The following KDM4A variants were observed in gnomAD, a reference collection of about 807,000 sequenced individuals.
The protein encoded by KDM4A is lysine demethylase 4A.
Under a neutral mutation model 127.1 loss-of-function variants are expected in KDM4A, and 23 were observed. That is an observed-to-expected ratio of 0.18 (90% CI 0.13 to 0.26). The LOEUF is 0.26. Ranked by LOEUF, KDM4A falls within the 10% of genes least tolerant of loss-of-function variation. The pLI is 1.00. For synonymous variants in KDM4A, 443 were observed against 466.5 expected, an observed-to-expected ratio of 0.95 and a Z score of 0.65; for missense variants, 890 against 1,329.1, an observed-to-expected ratio of 0.67 and a Z score of 5.14.
chr1:43,687,905 C>G (rs1014886345), intron 12 of KDM4A, among the ~76,000 whole-genome samples: 1 of 152,058 alleles, frequency 6.6e-6, no homozygotes, highest in Non-Finnish European at 1.5e-5. Context: ...AGTTGTATGC[C>G]CTGCTGTCTA....
intron 11 of KDM4A, among the ~76,000 whole-genome samples, chr1:43,682,651 G>T (rs763234327): frequency 1.3e-5 from 2 of 152,222 alleles, no homozygotes; most frequent in African/African-American, 2.4e-5. Flanking sequence ...GGCAAAACTT[G>T]TTGGCAAAAT....
At chr1:43,668,107 TTTTTG>T (rs1334731031) in intron 9 of KDM4A, 88 bp downstream of exon 9, 8 of 1,530,072 alleles carry the variant, frequency 5.2e-6, no homozygotes, top group Admixed American at 2.1e-5. Flanking sequence ...TTTCTTGTTT[TTTTTG>T]TTTTGTTTTG....
intron 9 of KDM4A, 123 bp downstream of exon 9, chr1:43,668,142 T>C: frequency 7.4e-7 from 1 of 1,358,088 alleles, no homozygotes; most frequent in South Asian, 1.4e-5. Flanking sequence ...TTGTTTTTGT[T>C]TTTGATGGAG....
In KDM4A at chr1:43,685,810, A is replaced by G. The variant is rs151289649; in HGVS notation, c.1855+2006A>G. The stretch of plus-strand genomic sequence containing the variant: ...AAGATCATGATAAACAGGGTGGGGA[A>G]TATCCCTTCTGTCCTCCAGTCAGAA... On this transcript the variant is annotated intron_variant, in intron 12 of 21. Transcript: ENST00000372396. Among the ~76,000 whole-genome samples the G allele has an allele frequency of 8.4e-3, 1,272 of 152,182 alleles. 14 individuals are homozygous for G. The highest frequency in any genetic ancestry group is 0.029 in the African/African-American group (1,209 of 41,516).
chr1:43,657,845 G>T (rs1274672734), intron 3 of KDM4A, among the ~76,000 whole-genome samples: 1 of 147,418 alleles, frequency 6.8e-6, no homozygotes, highest in Non-Finnish European at 1.5e-5. Context: ...CCGCCTCCCA[G>T]GTTCAAGTGA....
intron 19 of KDM4A, chr1:43,703,416 C>T (rs534392843): frequency 9.3e-6 from 4 of 430,758 alleles, no homozygotes; most frequent in East Asian, 8.1e-5. Context: ...TTTTTGGTCA[C>T]CTAGAAGCAG....
intron 19 of KDM4A, among the ~76,000 whole-genome samples, chr1:43,701,359 G>C (rs1416966997): frequency 1.3e-5 from 2 of 152,286 alleles, no homozygotes; most frequent in Non-Finnish European, 2.9e-5. Flanking sequence ...TTTACTATTG[G>C]CAACAGATAC....
intron 8 of KDM4A, among the ~76,000 whole-genome samples, 173 bp from the exon 9 acceptor site, chr1:43,667,599 C>G (rs1365389919): frequency 6.6e-6 from 1 of 152,180 alleles, no homozygotes; most frequent in East Asian, 1.9e-4. Context: ...CCCTGCTTCC[C>G]TTCATGTTTG....
At chr1:43,692,364 C>T (rs1436532812) in intron 16 of KDM4A, 53 bp downstream of exon 16, 4 of 1,489,338 alleles carry the variant, frequency 2.7e-6, no homozygotes, top group Non-Finnish European at 3.7e-6. Context: ...CCGAAGCACA[C>T]AGTGTCTTTG....
intron 1 of KDM4A, among the ~76,000 whole-genome samples, chr1:43,652,394 T>A (rs1457999199): frequency 6.6e-6 from 1 of 152,190 alleles, no homozygotes; most frequent in Non-Finnish European, 1.5e-5. Context: ...CCTATTGCAG[T>A]AACAATGTCT....
At chr1:43,652,793 C>T (rs1660147018) in intron 1 of KDM4A, among the ~76,000 whole-genome samples, 1 of 151,274 alleles carries the variant, frequency 6.6e-6, no homozygotes, top group African/African-American at 2.4e-5. Flanking sequence ...AGTGATTCTC[C>T]TGCCTCAGCC....
Position 43,666,348 on chromosome 1 carries a change from C to A in KDM4A, c.674-104C>A, listed in dbSNP as rs944933275. 4.4e-5 allele frequency: 38 copies of A among 857,594 alleles called. 1 individual carries two copies. Among genetic ancestry groups the A allele is most frequent in the Admixed American group, 1.3e-4 (6 of 44,736 alleles). 53.1% of individuals were successfully genotyped at this position (857,594 alleles called of 1,614,324 possible). A position where few individuals can be genotyped will look rare whatever the true frequency, so the allele number is the denominator to read the frequency against. On this transcript the variant is annotated intron_variant, in intron 6 of 21. Coordinates refer to ENST00000372396, the MANE Select transcript of KDM4A (RefSeq NM_014663.3). The stretch of plus-strand genomic sequence containing the variant: ...ATCCTCAGAGGTCACATTGGTGATG[C>A]ATCCTCTTTATCATTCCGATGAGAA...
At chr1:43,683,861 A>G (rs1163999327) in intron 12 of KDM4A, 57 bp downstream of exon 12, 44 of 1,593,960 alleles carry the variant, frequency 2.8e-5, no homozygotes, top group Non-Finnish European at 3.2e-5. Context: ...TAGACTTGAC[A>G]GGACAGGACA....
At chr1:43,702,917 G>C (rs530788947) in intron 19 of KDM4A, among the ~76,000 whole-genome samples, 25 of 151,938 alleles carry the variant, frequency 1.6e-4, no homozygotes, top group Non-Finnish European at 3.2e-4. Flanking sequence ...TGTTGTCCCA[G>C]CTACTCGGGA....
intron 11 of KDM4A, among the ~76,000 whole-genome samples, chr1:43,677,205 C>T (rs902374377): frequency 2.0e-5 from 3 of 151,940 alleles, no homozygotes; most frequent in African/African-American, 4.8e-5. Flanking sequence ...ATTAGCCAGG[C>T]GTGTTGGCGG....
chr1:43,657,437 G>A (rs367633838), intron 3 of KDM4A, among the ~76,000 whole-genome samples: 11 of 152,084 alleles, frequency 7.2e-5, no homozygotes, highest in Admixed American at 3.3e-4. Flanking sequence ...TCTTGACCTC[G>A]TGATCCACCC....
chr1:43,676,664 C>G (rs938202940), intron 11 of KDM4A, among the ~76,000 whole-genome samples: 2 of 152,024 alleles, frequency 1.3e-5, no homozygotes, highest in African/African-American at 4.8e-5. Context: ...TCCATATTTG[C>G]TTTGTTTGTC....
At chr1:43,690,726 C>T (rs1208511700) in intron 13 of KDM4A, 119 bp from the exon 14 acceptor site, 39 of 929,406 alleles carry the variant, frequency 4.2e-5, no homozygotes, top group Admixed American at 1.9e-4. Context: ...GCTGTGCACC[C>T]GGGAGCTGTA....
chr1:43,688,558 T>C lies in KDM4A; in HGVS notation c.1856-356T>C, dbSNP rs895295981. Reference sequence around the variant, plus strand: ...GACGTTTTGGAGGCAGCAAATAAGATGGTTTTTGGCAAGATGGTGCTTCAT... The same window carrying C: ...GACGTTTTGGAGGCAGCAAATAAGACGGTTTTTGGCAAGATGGTGCTTCAT... On this transcript the variant is annotated intron_variant, in intron 12 of 21. Coordinates refer to ENST00000372396, the MANE Select transcript of KDM4A (RefSeq NM_014663.3). This position sits in a 1 kb window ranked among gnomAD's most constrained non-coding sequence, Gnocchi z 4.4. Among the ~76,000 whole-genome samples the C allele has an allele frequency of 6.6e-6, 1 of 152,160 alleles. No homozygotes were observed. Among genetic ancestry groups the C allele is most frequent in the African/African-American group, 2.4e-5 (1 of 41,442 alleles).
Sources: gnomAD v4.1 joint callset for allele counts (sites outside exome capture counted in the v4.1 genomes callset) on GRCh38, gnomAD v4.1.1 for gene constraint, Gnocchi (gnomAD v3.1) non-coding constraint, MANE v1.5 for transcripts, NCBI Gene and HGNC (gene_info 2026-07-23, HGNC 2026-07-21) for gene names.